The following MAST3 variants were observed in gnomAD, a reference collection of about 807,000 sequenced individuals.
The protein encoded by MAST3 is microtubule-associated serine/threonine-protein kinase 3.
Under a neutral mutation model 127.0 loss-of-function variants are expected in MAST3, and 43 were observed. That is an observed-to-expected ratio of 0.34 (90% CI 0.27 to 0.44). The LOEUF is 0.44. Ranked by LOEUF, MAST3 falls within the 20% of genes least tolerant of loss-of-function variation. MAST3 has a pLI of 1.00. For missense variants in MAST3, 1,390 were observed against 1,919.1 expected (o/e 0.72, Z 5.15); for synonymous variants, 785 against 809.2 (o/e 0.97, Z 0.51).
chr19:18,129,018 G>C lies in MAST3; in HGVS notation c.1223+67G>C. 3 of 1,370,464 alleles carry C rather than the reference G, an allele frequency of 2.2e-6. No individual in the cohort carries two copies. In the East Asian group the frequency reaches 6.9e-5, roughly 31 times the overall value. The allele number at this position is 1,370,464 out of a possible 1,614,324, so 84.9% of individuals were successfully genotyped here. ...TGAGGGGATGGTTGAGGCCCAGGCA[G>C]CTCCTGCATCCCCCTCCTACCCCAG... On this transcript the variant is annotated intron_variant, in intron 13 of 27. Coordinates refer to ENST00000687212, the MANE Select transcript of MAST3 (RefSeq NM_001393504.1).
Position 18,149,761 on chromosome 19 carries a change from C to A in MAST3, c.*35C>A, listed in dbSNP as rs760791799. The A allele has an allele frequency of 1.2e-6, 2 of 1,606,392 alleles. No individual in the cohort carries two copies. Among genetic ancestry groups the A allele is most frequent in the East Asian group, 4.5e-5 (2 of 44,756 alleles). ...AGGTCTCTCCCTGGCATCAAAGTTA[C>A]GCGTTTTCTTGTGCAATGTTTTTTC... On this transcript the variant is annotated 3_prime_UTR_variant, in exon 28 of 28. Coordinates refer to ENST00000687212, the MANE Select transcript of MAST3 (RefSeq NM_001393504.1). The surrounding 1 kb of genome is among the most constrained non-coding windows in gnomAD (Gnocchi z 5.9).
Position 18,139,063 on chromosome 19 carries a change from A to G in MAST3, c.2144A>G (p.Asn715Ser), listed in dbSNP as rs1381238539. Residue 715 changes from asparagine to serine, a missense_variant, in exon 20 of 28, where the codon AAT (asparagine) becomes AGT (serine). Physicochemically the swap from Asn to Ser is conservative, Grantham distance 46. Transcript: ENST00000687212. ...RHLGSEDDETNDEESSTEIPQ... is the reference protein window; with the variant it reads ...RHLGSEDDETSDEESSTEIPQ... ...CTGGGCTCCGAGGACGACGAGACCA[A>G]TGATGAAGAATCGTCCACAGAGATC... 5.0e-6 allele frequency: 8 copies of G among 1,604,500 alleles called. No homozygotes were observed. The highest frequency in any genetic ancestry group is 6.8e-6 in the Non-Finnish European group (8 of 1,175,710).
intron 3 of MAST3, among the ~76,000 whole-genome samples, chr19:18,111,491 C>G (rs928971468): frequency 2.7e-5 from 4 of 147,336 alleles, no homozygotes; most frequent in Non-Finnish European, 4.5e-5. Flanking sequence ...CAACCATTTA[C>G]ACTTTAGTAT....
chr19:18,144,564 C>G lies in MAST3; in HGVS notation c.2683C>G (p.Leu895Val), dbSNP rs1379529068. The change falls in exon 23 of 28, where the codon CTT becomes GTT. Residue 895 changes from leucine to valine, a missense_variant. This residue lies in a region of MAST3 where 816 missense variants were observed against 934.1 expected (regional missense o/e 0.87). Transcript: ENST00000687212. The surrounding 1 kb of genome is among the most constrained non-coding windows in gnomAD (Gnocchi z 4.0). Reference sequence around the variant, plus strand: ...TCTGGATGCCGGCCGGGGCCGCCGCCTTGGGGGCCCAAGAGACCCAGCCCC... The same window carrying G: ...TCTGGATGCCGGCCGGGGCCGCCGCGTTGGGGGCCCAAGAGACCCAGCCCC... The part of the protein sequence containing the change: ...RPLDAGRGRR[L>V]GGPRDPAPEK... 1 of 1,610,106 alleles carries G rather than the reference C, an allele frequency of 6.2e-7. No homozygotes were observed. Among genetic ancestry groups the G allele is most frequent in the African/African-American group, 1.3e-5 (1 of 74,894 alleles).
chr19:18,149,909 TG>T lies in MAST3; in HGVS notation c.*187del. The T allele has an allele frequency of 1.4e-6, 1 of 728,676 alleles. No individual in the cohort carries two copies. The allele number at this position is 728,676 out of a possible 1,614,324, so 45.1% of individuals were successfully genotyped here. A position where few individuals can be genotyped will look rare whatever the true frequency, so the allele number is the denominator to read the frequency against. On this transcript the variant is annotated 3_prime_UTR_variant, in exon 28 of 28. Coordinates refer to ENST00000687212, the MANE Select transcript of MAST3 (RefSeq NM_001393504.1). This position sits in a 1 kb window ranked among gnomAD's most constrained non-coding sequence, Gnocchi z 5.9. The stretch of plus-strand genomic sequence containing the variant: ...TGTTCTGGTGTCAATCGGGGCTGGA[TG>T]GGGCAAGAATGGGGGACAAGGGTGG...
chr19:18,147,662 T>G, intron 27 of MAST3, 38 bp downstream of exon 27: 1 of 1,419,550 alleles, frequency 7.0e-7, no homozygotes, highest in Non-Finnish European at 9.5e-7. Flanking sequence ...CCGGCTACCC[T>G]GGGAGCAAGG....
At position 18,124,669 on chromosome 19, in the gene MAST3, C is replaced by G; in HGVS notation, c.973C>G (p.Leu325Val). Residue 325 changes from leucine (L) to valine (V), a missense_variant, in exon 11 of 28, where the codon CTG becomes GTG. Transcript: ENST00000687212. ...GTTTGACCCTGAGGAATTTTACCAC[C>G]TGCTGGAGGCGGCTGAGGGCCATGC... ...LEFDPEEFYHLLEAAEGHARE... is the reference protein window; with the variant it reads ...LEFDPEEFYHVLEAAEGHARE... 1 of 1,605,164 alleles carries G rather than the reference C, an allele frequency of 6.2e-7. No individual in the cohort carries two copies. Among genetic ancestry groups the G allele is most frequent in the South Asian group, 1.1e-5 (1 of 90,168 alleles).
chr19:18,111,809 C>A (rs1379543409), intron 3 of MAST3, among the ~76,000 whole-genome samples: 3 of 152,104 alleles, frequency 2.0e-5, no homozygotes, highest in Non-Finnish European at 4.4e-5. Context: ...AAGCCACACG[C>A]TGGGCCATCC....
rs778808422 is a variant in MAST3, at chr19:18,122,663, C to G, written c.321-10C>G. On this transcript the variant is annotated splice_polypyrimidine_tract_variant and intron_variant, in intron 5 of 27. Transcript: ENST00000687212. ...GCCTTCCTTCCATCTGTTCTTGTTCCCCTCTCCAGGGCAGACGGCAGAAGA... is the reference window on the plus strand; with the variant it reads ...GCCTTCCTTCCATCTGTTCTTGTTCGCCTCTCCAGGGCAGACGGCAGAAGA... 1 of 1,611,304 alleles carries G rather than the reference C, an allele frequency of 6.2e-7. No homozygotes were observed. The highest frequency in any genetic ancestry group is 8.5e-7 in the Non-Finnish European group (1 of 1,178,706).
At position 18,144,458 on chromosome 19, in the gene MAST3, C is replaced by T. The variant is rs927124578; in HGVS notation, c.2585-8C>T. The T allele has an allele frequency of 1.2e-5, 19 of 1,554,054 alleles. No individual in the cohort carries two copies. Among genetic ancestry groups the T allele is most frequent in the East Asian group, 2.4e-5 (1 of 41,286 alleles). On this transcript the variant is annotated splice_polypyrimidine_tract_variant and splice_region_variant and intron_variant, in intron 22 of 27. Transcript: ENST00000687212. The surrounding 1 kb of genome is among the most constrained non-coding windows in gnomAD (Gnocchi z 4.0). ...AGGGGCACCCAGCTGACCCTGCTGA[C>T]CCTCTAGCCGACACAGCTGCTCTCA...
At chr19:18,147,323 G>A (rs2043133990) in intron 26 of MAST3, 120 bp from the exon 27 acceptor site, 6 of 910,814 alleles carry the variant, frequency 6.6e-6, no homozygotes, top group East Asian at 2.6e-5. Flanking sequence ...GGCTGGTCTC[G>A]AACTCCTGAC....
At chr19:18,138,969 C>A (rs1330030932) in intron 19 of MAST3, 46 bp from the exon 20 acceptor site, 2 of 1,294,982 alleles carry the variant, frequency 1.5e-6, no homozygotes, top group South Asian at 1.3e-5. Flanking sequence ...CCCTTGAGAT[C>A]ATCTCTGGGC....
intron 3 of MAST3, among the ~76,000 whole-genome samples, chr19:18,113,970 C>T (rs900081507): frequency 9.9e-5 from 15 of 152,212 alleles, no homozygotes; most frequent in Non-Finnish European, 2.1e-4. Context: ...GCTGATCCTC[C>T]AGAATGCAGG....
rs761058921 is a variant in MAST3, at chr19:18,144,493, G to C, written c.2612G>C (p.Arg871Pro). The C allele has an allele frequency of 1.3e-6, 2 of 1,593,432 alleles. No homozygotes were observed. The highest frequency in any genetic ancestry group is 2.3e-5 in the East Asian group (1 of 43,784). ...GACACAGCTGCTCTCAGCCACGCCC[G>C]CCTACGGAGCAATAGCATCGGCGCC... is the stretch of plus-strand genomic sequence containing the variant. Reference protein sequence around the residue: ...SADTAALSHARLRSNSIGARH... With the variant: ...SADTAALSHAPLRSNSIGARH... The change falls in exon 23 of 28, where the codon CGC becomes CCC. Residue 871 changes from arginine (R) to proline (P), a missense_variant. By Grantham distance (103) the Arg-to-Pro change is moderately radical. This residue lies in a region of MAST3 where 816 missense variants were observed against 934.1 expected (regional missense o/e 0.87). Transcript: ENST00000687212. The surrounding 1 kb of genome is among the most constrained non-coding windows in gnomAD (Gnocchi z 4.0).
chr19:18,142,759 T>G (rs1238198616), intron 21 of MAST3, among the ~76,000 whole-genome samples: 1 of 148,900 alleles, frequency 6.7e-6, no homozygotes, highest in Non-Finnish European at 1.5e-5. Context: ...GCTCAAGAGA[T>G]CCTCTCAAGT....
intron 1 of MAST3, chr19:18,098,945 C>T: frequency 2.9e-6 from 1 of 350,502 alleles, no homozygotes; most frequent in Non-Finnish European, 5.8e-6. Context: ...GCGCCTGACC[C>T]AGTCATTGCT....
chr19:18,132,297 G>A (rs564819765), intron 15 of MAST3, among the ~76,000 whole-genome samples: 51 of 152,244 alleles, frequency 3.3e-4, no homozygotes, highest in Non-Finnish European at 5.4e-4. Flanking sequence ...GGGGAAGGCC[G>A]GTGCACTTAT....
chr19:18,133,849 C>T (rs917715627), intron 15 of MAST3, among the ~76,000 whole-genome samples: 8 of 151,962 alleles, frequency 5.3e-5, no homozygotes, highest in Non-Finnish European at 7.4e-5. Flanking sequence ...CCACTGCGCC[C>T]GGCAAATGAA....
intron 14 of MAST3, among the ~76,000 whole-genome samples, 182 bp from the exon 15 acceptor site, chr19:18,131,727 A>T (rs2041311951): frequency 2.0e-5 from 3 of 152,226 alleles, no homozygotes; most frequent in African/African-American, 7.2e-5. Flanking sequence ...AAAATTAAAA[A>T]TAAATGAAGG....
Sources: gnomAD v4.1 joint callset for allele counts (sites outside exome capture counted in the v4.1 genomes callset) on GRCh38, gnomAD v4.1.1 for gene constraint, gnomAD v4.1.1 regional missense constraint, Gnocchi (gnomAD v3.1) non-coding constraint, MANE v1.5 for transcripts, NCBI Gene and HGNC (gene_info 2026-07-23, HGNC 2026-07-21) for gene names.